NEMP2: variants seen among roughly 807,000 people sequenced by gnomAD.
NEMP2 encodes the protein nuclear envelope integral membrane protein 2, also known as UPF0571 transmembrane protein.
NEMP2 carries 53 observed loss-of-function variants against 54.2 expected under a neutral mutation model. That is an observed-to-expected ratio of 0.98 (90% CI 0.78 to 1.23). The LOEUF (loss-of-function observed/expected upper bound fraction) is 1.23, where lower values mean the gene tolerates loss of function less well. NEMP2 is among the 50% of genes most tolerant of loss of function. The probability of loss-of-function intolerance (pLI) is 0.00; values close to 1 mark genes in which losing one functional copy is unlikely to be tolerated. For missense variants in NEMP2, 455 were observed against 511.3 expected, an observed-to-expected ratio of 0.89 and a Z score of 1.06; for synonymous variants, 197 against 190.3, an observed-to-expected ratio of 1.04 and a Z score of -0.29.
At chr2:190,568,785 G>C in the NEMP2 span, among the ~76,000 whole-genome samples, 1 of 152,108 alleles carries the variant, frequency 6.6e-6, no homozygotes, top group Admixed American at 6.5e-5. This position sits in a 1 kb window ranked among gnomAD's most constrained non-coding sequence, Gnocchi z 4.7. Flanking sequence ...TTGCGCCATT[G>C]CACTCCAACC....
the NEMP2 span, among the ~76,000 whole-genome samples, chr2:190,542,025 C>T: frequency 0.011 from 1,737 of 152,184 alleles, 38 homozygotes; most frequent in African/African-American, 0.038. The surrounding 1 kb of genome is among the most constrained non-coding windows in gnomAD (Gnocchi z 4.6). Flanking sequence ...TCTTTGTCGT[C>T]TGAGTTTGAT....
the NEMP2 span, among the ~76,000 whole-genome samples, chr2:190,475,683 A>C: frequency 6.6e-6 from 1 of 152,170 alleles, no homozygotes; most frequent in Non-Finnish European, 1.5e-5. Flanking sequence ...GCTACCAATG[A>C]CTTTCTTCAC....
chr2:190,497,555 C>T, the NEMP2 span: 1 of 1,614,208 alleles, frequency 6.2e-7, no homozygotes, highest in Non-Finnish European at 8.5e-7. This position sits in a 1 kb window ranked among gnomAD's most constrained non-coding sequence, Gnocchi z 5.2. Flanking sequence ...GCCCAGACTT[C>T]CACCCAAGAA....
chr2:190,641,043 C>T, the NEMP2 span: 4 of 152,152 alleles, frequency 2.6e-5, no homozygotes, highest in African/African-American at 9.7e-5. Context: ...CCCAACACTC[C>T]CATCTGTCCC....
At chr2:190,544,322 G>T in the NEMP2 span, among the ~76,000 whole-genome samples, 3 of 151,914 alleles carry the variant, frequency 2.0e-5, no homozygotes, top group African/African-American at 7.3e-5. Flanking sequence ...TAATAAATAG[G>T]TTATTTCAAT....
the NEMP2 span, among the ~76,000 whole-genome samples, chr2:190,468,970 C>G: frequency 6.6e-6 from 1 of 152,116 alleles, no homozygotes; most frequent in East Asian, 1.9e-4. Flanking sequence ...CTCTTTGCTT[C>G]CAAACCAGCC....
At chr2:190,546,877 A>G in the NEMP2 span, among the ~76,000 whole-genome samples, 3 of 152,202 alleles carry the variant, frequency 2.0e-5, no homozygotes, top group East Asian at 1.9e-4. This position sits in a 1 kb window ranked among gnomAD's most constrained non-coding sequence, Gnocchi z 5.1. Flanking sequence ...TAGCTTAAGC[A>G]TGCTCCCAAG....
the NEMP2 span, among the ~76,000 whole-genome samples, chr2:190,455,934 CTTTTTTTTTTT>C: frequency 1.5e-5 from 1 of 65,388 alleles, no homozygotes; most frequent in African/African-American, 6.6e-5. Context: ...ATTTACTCTG[CTTTTTTTTTTT>C]TTTTTTTTTT....
chr2:190,534,396 G>A (rs1472577673), intron 1 of NEMP2, 163 bp downstream of exon 1: 2 of 1,211,214 alleles, frequency 1.7e-6, no homozygotes, highest in Admixed American at 4.4e-5. Flanking sequence ...AAGACAGGAA[G>A]GGCGGGCGGG....
chr2:190,624,254 A>T, the NEMP2 span, among the ~76,000 whole-genome samples: 1 of 152,258 alleles, frequency 6.6e-6, no homozygotes, highest in African/African-American at 2.4e-5. Context: ...ATGAGATATC[A>T]TCTCACCCTA....
chr2:190,640,786 AATTTTTTTTTTTTTTTTTTTTTTTTTT>A, the NEMP2 span, among the ~76,000 whole-genome samples: 3 of 119,298 alleles, frequency 2.5e-5, no homozygotes, highest in Admixed American at 9.7e-5. Context: ...TAACACATTC[AATTTTTTTTTTTTTTTTTTTTTTTTTT>A]TTTTTTTTTT....
Position 190,514,175 on chromosome 2 carries a change from G to C in NEMP2, c.953+278C>G, listed in dbSNP as rs1184487770. On this transcript the variant is annotated intron_variant, in intron 7 of 8. Coordinates refer to ENST00000409150, the MANE Select transcript of NEMP2 (RefSeq NM_001142645.2). This position sits in a 1 kb window ranked among gnomAD's most constrained non-coding sequence, Gnocchi z 5.7. ...AAAAGAAGATATTTTAGGTAACCCA[G>C]AGTCCAAGTACTTCTGCCATTGACT... Among the ~76,000 whole-genome samples the C allele has an allele frequency of 6.6e-6, 1 of 152,218 alleles. No homozygotes were observed. Among genetic ancestry groups the C allele is most frequent in the East Asian group, 1.9e-4 (1 of 5,196 alleles).
At chr2:190,647,713 T>TTC in the NEMP2 span, among the ~76,000 whole-genome samples, 9 of 126,870 alleles carry the variant, frequency 7.1e-5, no homozygotes, top group Admixed American at 5.5e-4. Flanking sequence ...TCTTCTTCTT[T>TTC]TTTTTTTTTT....
At chr2:190,565,317 C>T in the NEMP2 span, among the ~76,000 whole-genome samples, 139 of 152,276 alleles carry the variant, frequency 9.1e-4, 1 homozygote, top group African/African-American at 2.8e-3. Flanking sequence ...CCCTCCTACA[C>T]AATGAAAGCA....
At chr2:190,610,160 A>C in the NEMP2 span, 2 of 152,352 alleles carry the variant, frequency 1.3e-5, no homozygotes, top group East Asian at 3.9e-4. This position sits in a 1 kb window ranked among gnomAD's most constrained non-coding sequence, Gnocchi z 5.4. Context: ...CAGGTATACT[A>C]TAGTTTTGAA....
chr2:190,495,561 C>G, the NEMP2 span, among the ~76,000 whole-genome samples: 7 of 152,080 alleles, frequency 4.6e-5, no homozygotes, highest in African/African-American at 1.7e-4. The surrounding 1 kb of genome is among the most constrained non-coding windows in gnomAD (Gnocchi z 4.7). Flanking sequence ...GCAAAAAGAA[C>G]AAATCTGGAG....
rs1386751759 is a variant in NEMP2 at position 190,533,615 on chromosome 2, T to C, written c.97+944A>G. ...ACCTCATCAACATCCAGTCTCTCATTCATCCTTAGATAAAAAACCGCGGTA... is the reference window on the plus strand; with the variant it reads ...ACCTCATCAACATCCAGTCTCTCATCCATCCTTAGATAAAAAACCGCGGTA... On this transcript the variant is annotated intron_variant, in intron 1 of 8. Coordinates refer to ENST00000409150, the MANE Select transcript of NEMP2 (RefSeq NM_001142645.2). The surrounding 1 kb of genome is among the most constrained non-coding windows in gnomAD (Gnocchi z 4.3). Among the ~76,000 whole-genome samples, 1 of 152,152 alleles carries C rather than the reference T, an allele frequency of 6.6e-6. No homozygotes were observed. Among genetic ancestry groups the C allele is most frequent in the African/African-American group, 2.4e-5 (1 of 41,428 alleles).
Position 190,514,406 on chromosome 2 carries a change from TA to T in NEMP2, c.953+46del. On this transcript the variant is annotated intron_variant, in intron 7 of 8. Transcript: ENST00000409150. This position sits in a 1 kb window ranked among gnomAD's most constrained non-coding sequence, Gnocchi z 5.7. ...CAAACACTCTCCCAAATAATAAAAC[TA>T]GAGCTCAAAATGTCAAATTTGCTGG... 6.8e-7 allele frequency: 1 copy of T among 1,460,006 alleles called. No homozygotes were observed. Among genetic ancestry groups the T allele is most frequent in the Non-Finnish European group, 9.4e-7 (1 of 1,065,942 alleles). The allele number at this position is 1,460,006 out of a possible 1,614,324, so 90.4% of individuals were successfully genotyped here.
At position 190,530,327 on chromosome 2, in the gene NEMP2, A is replaced by C. The variant is rs1007489108; in HGVS notation, c.97+4232T>G. On this transcript the variant is annotated intron_variant, in intron 1 of 8. Coordinates refer to ENST00000409150, the MANE Select transcript of NEMP2 (RefSeq NM_001142645.2). The surrounding 1 kb of genome is among the most constrained non-coding windows in gnomAD (Gnocchi z 4.6). Reference sequence around the variant, plus strand: ...AATCCATGAGATTCCACAAAGTGTCAGTGCTTCATGGTGTCCTCTGGCTGC... The same window carrying C: ...AATCCATGAGATTCCACAAAGTGTCCGTGCTTCATGGTGTCCTCTGGCTGC... 1.2e-4 allele frequency among the ~76,000 whole-genome samples: 18 copies of C among 152,194 alleles called. No homozygotes were observed. The highest frequency in any genetic ancestry group is 4.1e-4 in the African/African-American group (17 of 41,442).
Sources: allele counts gnomAD v4.1 joint callset (sites outside exome capture counted in the v4.1 genomes callset), GRCh38; gene constraint gnomAD v4.1.1; non-coding constraint Gnocchi (gnomAD v3.1); transcripts MANE v1.5; gene names NCBI Gene and HGNC (gene_info 2026-07-23, HGNC 2026-07-21).